Variants in CACNB4 observed in about 807,000 individuals in gnomAD.
CACNB4 encodes voltage-dependent L-type calcium channel subunit beta-4.
A neutral mutation model predicts 71.2 loss-of-function variants in CACNB4; 32 were observed. That is an observed-to-expected ratio of 0.45 (90% CI 0.34 to 0.60). The LOEUF (loss-of-function observed/expected upper bound fraction) is 0.60, where lower values mean the gene tolerates loss of function less well. CACNB4 is among the 20% of genes least tolerant of loss of function. The pLI is 0.01. For missense variants in CACNB4, 464 were observed against 647.9 expected (o/e 0.72, Z 3.08); for synonymous variants, 231 against 236.9 (o/e 0.97, Z 0.23).
At chr2:151,909,293 G>C (rs952164137) in intron 2 of CACNB4, among the ~76,000 whole-genome samples, 6 of 150,908 alleles carry the variant, frequency 4.0e-5, no homozygotes, top group Non-Finnish European at 7.4e-5. Flanking sequence ...AAATCAGCGG[G>C]GCATGGTGGC....
chr2:151,843,177 C>T (rs1004581014), intron 12 of CACNB4, among the ~76,000 whole-genome samples: 1 of 152,210 alleles, frequency 6.6e-6, no homozygotes, highest in African/African-American at 2.4e-5. Context: ...GGTGGCCCCC[C>T]TGTCATTGCA....
intron 2 of CACNB4, among the ~76,000 whole-genome samples, chr2:151,948,082 G>A (rs540065314): frequency 6.6e-6 from 1 of 152,308 alleles, no homozygotes; most frequent in East Asian, 1.9e-4. Context: ...TGTCATTGGT[G>A]TATTTATTGC....
chr2:152,091,587 G>A (rs892590729), intron 2 of CACNB4, among the ~76,000 whole-genome samples: 2 of 152,082 alleles, frequency 1.3e-5, no homozygotes, highest in Admixed American at 6.5e-5. Flanking sequence ...GCAGTGAGCC[G>A]AGATTGTACC....
At chr2:152,079,199 C>T (rs1190829520) in intron 2 of CACNB4, among the ~76,000 whole-genome samples, 1 of 152,094 alleles carries the variant, frequency 6.6e-6, no homozygotes, top group Non-Finnish European at 1.5e-5. Context: ...CGCCATTCTC[C>T]TGCCTCAGCC....
intron 2 of CACNB4, chr2:152,048,400 A>C (rs980202084): frequency 3.9e-5 from 6 of 152,320 alleles, no homozygotes; most frequent in African/African-American, 1.4e-4. Context: ...TTACATCCAG[A>C]AGGGGCCATC....
At chr2:152,023,402 G>T (rs186380035) in intron 2 of CACNB4, among the ~76,000 whole-genome samples, 1 of 149,956 alleles carries the variant, frequency 6.7e-6, no homozygotes, top group East Asian at 2.0e-4. Flanking sequence ...AAGAGAATGC[G>T]CTCTGGATAA....
intron 2 of CACNB4, among the ~76,000 whole-genome samples, chr2:152,017,129 C>A (rs1446266955): frequency 1.3e-5 from 2 of 149,714 alleles, no homozygotes; most frequent in Non-Finnish European, 1.5e-5. Flanking sequence ...AGGCACAGCA[C>A]CCACTCCAAT....
At chr2:152,099,108 C>G, upstream of CACNB4, 1 of 721,746 alleles carries the variant, frequency 1.4e-6, no homozygotes, top group South Asian at 2.1e-5. Flanking sequence ...CGCAGGACTT[C>G]CCCACCCGGC....
intron 2 of CACNB4, among the ~76,000 whole-genome samples, chr2:151,980,921 T>C (rs1234261686): frequency 6.6e-6 from 1 of 152,200 alleles, no homozygotes; most frequent in Non-Finnish European, 1.5e-5. Flanking sequence ...TTTTTTAGTG[T>C]TGAGGACAAG....
At chr2:151,898,952 T>A (rs555489332) in intron 2 of CACNB4, among the ~76,000 whole-genome samples, 1 of 152,354 alleles carries the variant, frequency 6.6e-6, no homozygotes, top group African/African-American at 2.4e-5. Flanking sequence ...GCAGGCAGGA[T>A]GTCCATTCAG....
intron 12 of CACNB4, among the ~76,000 whole-genome samples, chr2:151,847,794 G>C (rs1028979904): frequency 1.3e-5 from 2 of 152,190 alleles, no homozygotes; most frequent in African/African-American, 4.8e-5. Context: ...GCTGAGGCAG[G>C]AGAATCGCTT....
intron 12 of CACNB4, among the ~76,000 whole-genome samples, chr2:151,849,042 C>T (rs1485803990): frequency 6.6e-6 from 1 of 152,124 alleles, no homozygotes; most frequent in African/African-American, 2.4e-5. Flanking sequence ...GTCCTGTTCC[C>T]CTAGGTCCCC....
At chr2:152,093,400 G>GGTGTGTGTGTGTGTGTGTGTGTGT (rs34845177) in intron 2 of CACNB4, among the ~76,000 whole-genome samples, 55 of 146,646 alleles carry the variant, frequency 3.8e-4, no homozygotes, top group African/African-American at 1.3e-3. Context: ...GCTGTTTTTT[G>GGTGTGTGTGTGTGTGTGTGTGTGT]GTGTGTGTGT....
intron 2 of CACNB4, chr2:151,968,135 G>A (rs1434403940): frequency 6.6e-6 from 1 of 152,162 alleles, no homozygotes; most frequent in African/African-American, 2.4e-5. Flanking sequence ...TGAACTGTAA[G>A]CTCCTTTAGG....
At chr2:151,994,043 G>A (rs866556516) in intron 2 of CACNB4, among the ~76,000 whole-genome samples, 3 of 151,760 alleles carry the variant, frequency 2.0e-5, no homozygotes, top group Admixed American at 6.6e-5. Flanking sequence ...ATGGTGGTGT[G>A]TGCCTGTAGT....
At position 151,869,942 on chromosome 2, in the gene CACNB4, C is replaced by T. The variant is rs112975663; in HGVS notation, c.699+589G>A. The T allele has an allele frequency of 7.8e-4, 361 of 460,052 alleles. 1 individual carries two copies. The highest frequency in any genetic ancestry group is 6.4e-3 in the African/African-American group (324 of 50,742). The allele number at this position is 460,052 out of a possible 1,614,324, so 28.5% of individuals were successfully genotyped here. On this transcript the variant is annotated intron_variant, in intron 8 of 13. Coordinates refer to ENST00000539935, the MANE Select transcript of CACNB4 (RefSeq NM_000726.5). ...CTACCTATTTTTTAATCCAAGCTAG[C>T]ACAAAGTCAAAACAAACATCTGAAA...
chr2:151,868,388 GT>G (rs762276705), intron 9 of CACNB4: 7 of 152,060 alleles, frequency 4.6e-5, no homozygotes, highest in Admixed American at 2.0e-4. Flanking sequence ...TAAATCTCAG[GT>G]TTTTTCATGT....
chr2:151,954,002 C>T (rs2099867572), intron 2 of CACNB4, among the ~76,000 whole-genome samples: 1 of 152,206 alleles, frequency 6.6e-6, no homozygotes, highest in Non-Finnish European at 1.5e-5. Flanking sequence ...CATATCTTCA[C>T]AGTAAGAACT....
chr2:151,971,515 G>A (rs374251704), intron 2 of CACNB4: 2 of 702,798 alleles, frequency 2.8e-6, no homozygotes, highest in East Asian at 5.4e-5. Context: ...CGAGAGCTCT[G>A]CTTCCATCTG....
Sources: allele counts gnomAD v4.1 joint callset (sites outside exome capture counted in the v4.1 genomes callset), GRCh38; gene constraint gnomAD v4.1.1; transcripts MANE v1.5; gene names NCBI Gene and HGNC (gene_info 2026-07-23, HGNC 2026-07-21).